Variants in ARHGAP10 observed in about 807,000 individuals in gnomAD.
ARHGAP10 encodes rho GTPase-activating protein 10.
ARHGAP10 carries 87 observed loss-of-function variants against 108.6 expected under a neutral mutation model. The observed-to-expected ratio is 0.80, with a 90% confidence interval of 0.67 to 0.96. ARHGAP10 has a LOEUF of 0.96. ARHGAP10 is among the 40% of genes least tolerant of loss of function. The pLI is 0.00. For missense variants in ARHGAP10, 939 were observed against 954.5 expected (o/e 0.98, Z 0.21); for synonymous variants, 347 against 341.1 (o/e 1.02, Z -0.19).
intron 15 of ARHGAP10, among the ~76,000 whole-genome samples, chr4:147,953,692 TA>T (rs1738691382): frequency 6.6e-6 from 1 of 152,042 alleles, no homozygotes; most frequent in Non-Finnish European, 1.5e-5. Context: ...CTGATTATCT[TA>T]AAAGATATGG....
At chr4:147,911,573 A>G (rs62332178) in intron 12 of ARHGAP10, among the ~76,000 whole-genome samples, 4,135 of 152,298 alleles carry the variant, frequency 0.027, 92 homozygotes, top group Non-Finnish European at 0.04. Flanking sequence ...CGTGTTAGCC[A>G]GGATGGTCTT....
At chr4:147,964,445 C>T (rs756634132) in intron 16 of ARHGAP10, among the ~76,000 whole-genome samples, 1 of 152,202 alleles carries the variant, frequency 6.6e-6, no homozygotes, top group East Asian at 1.9e-4. Flanking sequence ...GCCATGCCTT[C>T]TGTTTCTAGG....
chr4:147,806,248 G>A (rs1043656678), intron 1 of ARHGAP10, among the ~76,000 whole-genome samples: 11 of 151,778 alleles, frequency 7.2e-5, no homozygotes, highest in African/African-American at 9.7e-5. Flanking sequence ...TGTCTAAATC[G>A]GCTCTCCAGA....
intron 3 of ARHGAP10, among the ~76,000 whole-genome samples, chr4:147,832,148 T>C (rs1433613161): frequency 6.6e-6 from 1 of 152,054 alleles, no homozygotes; most frequent in East Asian, 1.9e-4. Flanking sequence ...GCCCATTTAA[T>C]TGTCTAATCC....
intron 19 of ARHGAP10, among the ~76,000 whole-genome samples, chr4:148,040,562 A>C (rs1728587800): frequency 6.6e-6 from 1 of 151,954 alleles, no homozygotes; most frequent in African/African-American, 2.4e-5. Flanking sequence ...GGCTGGTCTC[A>C]AACTCCTGGC....
At chr4:147,946,831 C>T in intron 15 of ARHGAP10, 127 bp downstream of exon 15, 1 of 629,536 alleles carries the variant, frequency 1.6e-6, no homozygotes, top group Middle Eastern at 3.5e-4. Context: ...GAAAATTTAT[C>T]AGGTGTCTCA....
At chr4:148,015,007 G>A (rs1741295663) in intron 18 of ARHGAP10, among the ~76,000 whole-genome samples, 1 of 152,120 alleles carries the variant, frequency 6.6e-6, no homozygotes, top group Non-Finnish European at 1.5e-5. Context: ...CCTGTGGGAT[G>A]GGTGACCACT....
At chr4:147,798,456 A>T (rs1199879665) in intron 1 of ARHGAP10, among the ~76,000 whole-genome samples, 4 of 152,012 alleles carry the variant, frequency 2.6e-5, no homozygotes, top group Non-Finnish European at 4.4e-5. Context: ...CATGCCTATA[A>T]TCCCTGCACT....
At chr4:147,878,394 C>T (rs943275591) in intron 8 of ARHGAP10, among the ~76,000 whole-genome samples, 1 of 152,134 alleles carries the variant, frequency 6.6e-6, no homozygotes, top group South Asian at 2.1e-4. Context: ...TGCGCCTGGC[C>T]CATACTTCAT....
chr4:147,982,662 A>G (rs762898302), intron 18 of ARHGAP10, among the ~76,000 whole-genome samples: 7 of 149,134 alleles, frequency 4.7e-5, no homozygotes, highest in Non-Finnish European at 1.0e-4. Context: ...TGGTGTCCCA[A>G]AGTGTTGGGA....
intron 20 of ARHGAP10, among the ~76,000 whole-genome samples, chr4:148,060,345 G>GT (rs75224309): frequency 0.02 from 2,621 of 134,004 alleles, 65 homozygotes; most frequent in South Asian, 0.066. Flanking sequence ...CTCATGTTTA[G>GT]TTTTTTTTTT....
At chr4:147,903,693 T>G (rs375999672) in intron 10 of ARHGAP10, among the ~76,000 whole-genome samples, 1 of 152,230 alleles carries the variant, frequency 6.6e-6, no homozygotes, top group Admixed American at 6.5e-5. Flanking sequence ...TGTCATCTAC[T>G]TGAATCACAC....
At chr4:147,815,296 T>C (rs1279728466) in intron 1 of ARHGAP10, among the ~76,000 whole-genome samples, 1 of 152,164 alleles carries the variant, frequency 6.6e-6, no homozygotes, top group East Asian at 1.9e-4. Context: ...GTTAACCGAA[T>C]CTACAAACGT....
intron 1 of ARHGAP10, among the ~76,000 whole-genome samples, chr4:147,776,607 AGC>A (rs1284329663): frequency 4.6e-5 from 7 of 152,122 alleles, no homozygotes; most frequent in African/African-American, 1.4e-4. Flanking sequence ...CCCCCAAGAC[AGC>A]AAGCTGACTA....
intron 18 of ARHGAP10, among the ~76,000 whole-genome samples, chr4:148,013,049 T>C (rs1337806424): frequency 2.0e-5 from 3 of 152,084 alleles, no homozygotes; most frequent in African/African-American, 7.2e-5. Context: ...AAAAAAATGT[T>C]TATCAATTAA....
chr4:147,907,360 A>G (rs1736536755), intron 11 of ARHGAP10, among the ~76,000 whole-genome samples: 2 of 152,202 alleles, frequency 1.3e-5, no homozygotes, highest in South Asian at 4.1e-4. Context: ...TTGGGGATTT[A>G]GTGAGGATAA....
chr4:148,015,945 A>G lies in ARHGAP10; in HGVS notation c.1717-7318A>G, dbSNP rs554914774. On this transcript the variant is annotated intron_variant, in intron 18 of 22. Transcript: ENST00000336498. The stretch of plus-strand genomic sequence containing the variant: ...TAAGTGTAGTTCTGTGAAATAAGAC[A>G]TCAGCACAGAGGACACACTGTGAAT... Among the ~76,000 whole-genome samples, 10 of 152,294 alleles carry G rather than the reference A, an allele frequency of 6.6e-5. No individual in the cohort carries two copies. In the East Asian group the frequency reaches 1.9e-3, roughly 29 times the overall value.
intron 15 of ARHGAP10, among the ~76,000 whole-genome samples, chr4:147,949,590 T>C (rs1738519929): frequency 7.3e-6 from 1 of 137,626 alleles, no homozygotes; most frequent in Non-Finnish European, 1.5e-5. Flanking sequence ...ATTCAAAATG[T>C]CAATAATTCT....
At position 148,068,732 on chromosome 4, in the gene ARHGAP10, G is replaced by A. The variant is rs566287306; in HGVS notation, c.2273-3261G>A. On this transcript the variant is annotated intron_variant, in intron 22 of 22. Transcript: ENST00000336498. Reference sequence around the variant, plus strand: ...GAGCCCAGGACGCAGCCTCCCTGTGGGTCCTGTGGCAGTTCTGAAGTTGAG... The same window carrying A: ...GAGCCCAGGACGCAGCCTCCCTGTGAGTCCTGTGGCAGTTCTGAAGTTGAG... Among the ~76,000 whole-genome samples, 3 of 152,182 alleles carry A rather than the reference G, an allele frequency of 2.0e-5. No homozygotes were observed. In the South Asian group the frequency reaches 6.2e-4, roughly 32 times the overall value.
Sources: gnomAD v4.1 joint callset for allele counts (sites outside exome capture counted in the v4.1 genomes callset) on GRCh38, gnomAD v4.1.1 for gene constraint, MANE v1.5 for transcripts, NCBI Gene and HGNC (gene_info 2026-07-23, HGNC 2026-07-21) for gene names.